The following DIAPH3 variants were observed in gnomAD, a reference collection of about 807,000 sequenced individuals.
DIAPH3 encodes the protein diaphanous related formin 3.
DIAPH3 carries 117 observed loss-of-function variants against 144.3 expected under a neutral mutation model. The observed-to-expected ratio is 0.81, with a 90% CI of 0.70 to 0.95. DIAPH3 has a LOEUF of 0.95. DIAPH3 is among the 40% of genes least tolerant of loss of function. The pLI, the probability that DIAPH3 is intolerant of heterozygous loss-of-function variation, is 0.00. For missense variants in DIAPH3, 1,421 were observed against 1,412.7 expected (o/e 1.01, Z -0.09); for synonymous variants, 519 against 488.9 (o/e 1.06, Z -0.81).
At chr13:59,729,227 G>A (rs1386432957) in intron 27 of DIAPH3, among the ~76,000 whole-genome samples, 1 of 152,166 alleles carries the variant, frequency 6.6e-6, no homozygotes, top group Non-Finnish European at 1.5e-5. Context: ...CTTGGCAGAA[G>A]CATGATCCTA....
chr13:59,958,206 A>G (rs1299896527), intron 17 of DIAPH3, among the ~76,000 whole-genome samples: 1 of 152,192 alleles, frequency 6.6e-6, no homozygotes, highest in Non-Finnish European at 1.5e-5. Context: ...TGCAATTATA[A>G]TAACATATAT....
chr13:59,900,124 C>T (rs2046349096), intron 20 of DIAPH3, among the ~76,000 whole-genome samples: 1 of 152,082 alleles, frequency 6.6e-6, no homozygotes, highest in Non-Finnish European at 1.5e-5. Context: ...CCTGTAATGG[C>T]AGGATTTGAT....
intron 6 of DIAPH3, 23 bp downstream of exon 6, chr13:60,016,048 A>G (rs1303941139): frequency 6.2e-5 from 100 of 1,611,320 alleles, no homozygotes; most frequent in Non-Finnish European, 8.3e-5. Flanking sequence ...GCTTACTTGA[A>G]AATAATTATT....
At chr13:59,774,698 A>C in intron 26 of DIAPH3, 30 bp downstream of exon 26, 1 of 1,592,882 alleles carries the variant, frequency 6.3e-7, no homozygotes, top group Non-Finnish European at 8.6e-7. Context: ...AGCTCCCTAG[A>C]AAGTAACATG....
At chr13:59,939,717 T>G (rs1042542685) in intron 17 of DIAPH3, among the ~76,000 whole-genome samples, 1 of 152,184 alleles carries the variant, frequency 6.6e-6, no homozygotes, top group Non-Finnish European at 1.5e-5. Context: ...TGGCTCTTTA[T>G]CTAGGTTTGT....
intron 17 of DIAPH3, among the ~76,000 whole-genome samples, chr13:59,961,520 A>G (rs919400651): frequency 6.6e-6 from 1 of 152,242 alleles, no homozygotes; most frequent in African/African-American, 2.4e-5. Flanking sequence ...TTAATAAAAA[A>G]TGGCAAGTTT....
chr13:60,142,870 C>T, intron 1 of DIAPH3, among the ~76,000 whole-genome samples: 1 of 151,928 alleles, frequency 6.6e-6, no homozygotes, highest in Non-Finnish European at 1.5e-5. Flanking sequence ...CGATCAGCTT[C>T]CCAAGTAGCT....
At chr13:60,139,379 C>T (rs550581323) in intron 1 of DIAPH3, among the ~76,000 whole-genome samples, 1 of 152,302 alleles carries the variant, frequency 6.6e-6, no homozygotes, top group East Asian at 1.9e-4. Context: ...CTCTTTTAAT[C>T]TGCTCATTTA....
intron 25 of DIAPH3, among the ~76,000 whole-genome samples, chr13:59,791,438 C>G (rs1365261672): frequency 6.6e-6 from 1 of 152,156 alleles, no homozygotes; most frequent in African/African-American, 2.4e-5. Context: ...TCCCCTCTTT[C>G]AAAGTAGCTA....
chr13:60,079,678 G>A (rs1376898894), intron 4 of DIAPH3, among the ~76,000 whole-genome samples: 1 of 151,762 alleles, frequency 6.6e-6, no homozygotes, highest in African/African-American at 2.4e-5. Context: ...AAAAAAGTAA[G>A]AGCCACTCCT....
chr13:59,731,477 G>A (rs909947281), intron 27 of DIAPH3, among the ~76,000 whole-genome samples: 3 of 152,248 alleles, frequency 2.0e-5, no homozygotes, highest in African/African-American at 7.2e-5. Flanking sequence ...GGGACCCAGA[G>A]TCAAGCAATA....
In DIAPH3 at chr13:59,992,107, TCAAA is replaced by T. The variant is rs1566625279; in HGVS notation, c.1201_1204del (p.Phe401SerfsTer45). The T allele has an allele frequency of 1.9e-6, 3 of 1,612,016 alleles. No homozygotes were observed. Among genetic ancestry groups the T allele is most frequent in the Non-Finnish European group, 2.5e-6 (3 of 1,178,772 alleles). On this transcript the variant is annotated frameshift_variant, in exon 11 of 28. Transcript: ENST00000400324. LOFTEE classifies it high-confidence loss of function. ...AATATCTTCAAGGCGATGGGATAAC[TCAAA>T]CAAATCTTCTTCTTTATGCTCATCA...
In DIAPH3 at chr13:59,805,300, T is replaced by C. The variant is rs541107219; in HGVS notation, c.3163+5488A>G. Among the ~76,000 whole-genome samples, 25 of 152,112 alleles carry C rather than the reference T, an allele frequency of 1.6e-4. No individual in the cohort carries two copies. In the South Asian group the frequency reaches 2.3e-3, roughly 14 times the overall value. On this transcript the variant is annotated intron_variant, in intron 25 of 27. Coordinates refer to ENST00000400324, the MANE Select transcript of DIAPH3 (RefSeq NM_001042517.2). ...ACTCAGGAAGTCTTAAAGCATAATATTGAATTCTGTTAGCAAATGCCCTAT... is the reference window on the plus strand; with the variant it reads ...ACTCAGGAAGTCTTAAAGCATAATACTGAATTCTGTTAGCAAATGCCCTAT...
At chr13:60,110,728 T>C (rs1343664784) in intron 3 of DIAPH3, among the ~76,000 whole-genome samples, 3 of 152,218 alleles carry the variant, frequency 2.0e-5, no homozygotes, top group African/African-American at 7.2e-5. Flanking sequence ...CAGTGAGGGT[T>C]TGATCACCAA....
intron 27 of DIAPH3, among the ~76,000 whole-genome samples, chr13:59,729,808 A>ATCTT (rs202135165): frequency 8.7e-6 from 1 of 115,186 alleles, no homozygotes; most frequent in Non-Finnish European, 1.7e-5. Flanking sequence ...GAATACATTA[A>ATCTT]TATTTTTTTT....
At chr13:59,894,811 A>G (rs2045996971) in intron 20 of DIAPH3, among the ~76,000 whole-genome samples, 1 of 152,092 alleles carries the variant, frequency 6.6e-6, no homozygotes, top group African/African-American at 2.4e-5. Context: ...CTAGCATTCA[A>G]GTGATCAGAA....
chr13:59,831,360 A>C (rs2041769475), intron 24 of DIAPH3, among the ~76,000 whole-genome samples: 1 of 151,798 alleles, frequency 6.6e-6, no homozygotes, highest in Non-Finnish European at 1.5e-5. Context: ...TAAAAGGAAA[A>C]ATGTGCAAAG....
chr13:59,875,444 C>T (rs1359650377), intron 21 of DIAPH3, among the ~76,000 whole-genome samples: 8 of 151,472 alleles, frequency 5.3e-5, no homozygotes, highest in Non-Finnish European at 1.0e-4. Context: ...CATAAGGGTT[C>T]GCATGGGGTG....
chr13:60,149,850 A>T (rs1388739471), intron 1 of DIAPH3, among the ~76,000 whole-genome samples: 4 of 151,496 alleles, frequency 2.6e-5, no homozygotes, highest in African/African-American at 9.7e-5. Context: ...TTGTTTCTTT[A>T]CTTCTCTGAT....
Sources: allele counts gnomAD v4.1 joint callset (sites outside exome capture counted in the v4.1 genomes callset), GRCh38; gene constraint gnomAD v4.1.1; transcripts MANE v1.5; gene names NCBI Gene and HGNC (gene_info 2026-07-23, HGNC 2026-07-21).